The following SP140 variants were observed in gnomAD, a reference collection of about 807,000 sequenced individuals.
SP140 encodes the protein SP140 nuclear body protein.
In SP140, 81 loss-of-function variants were observed where a neutral mutation model predicts 125.0. The observed-to-expected ratio is 0.65, with a 90% CI of 0.54 to 0.78. The LOEUF is 0.78. SP140 is among the 30% of genes least tolerant of loss of function. The pLI, the probability that SP140 is intolerant of heterozygous loss-of-function variation, is 0.00. For synonymous variants in SP140, 312 were observed against 354.0 expected, an observed-to-expected ratio of 0.88 and a Z score of 1.33; for missense variants, 858 against 1,037.0, an observed-to-expected ratio of 0.83 and a Z score of 2.37.
At chr2:230,258,242 G>A (rs1166557484) in intron 12 of SP140, among the ~76,000 whole-genome samples, 1 of 152,132 alleles carries the variant, frequency 6.6e-6, no homozygotes, top group Non-Finnish European at 1.5e-5. Context: ...TCTGGAAGAG[G>A]ACCCTGGAAA....
At chr2:230,298,243 A>T (rs1054967748) in intron 22 of SP140, among the ~76,000 whole-genome samples, 4 of 152,086 alleles carry the variant, frequency 2.6e-5, no homozygotes, top group African/African-American at 7.2e-5. Context: ...TGAAATCGTG[A>T]TTTGATTCTT....
chr2:230,276,615 A>G (rs2054748293), intron 15 of SP140, among the ~76,000 whole-genome samples: 1 of 152,090 alleles, frequency 6.6e-6, no homozygotes, highest in Non-Finnish European at 1.5e-5. Flanking sequence ...ATCAAAAAGT[A>G]ATTTCAACTT....
intron 1 of SP140, among the ~76,000 whole-genome samples, chr2:230,236,873 C>G (rs2048091289): frequency 6.6e-6 from 1 of 152,158 alleles, no homozygotes; most frequent in Non-Finnish European, 1.5e-5. Flanking sequence ...CTTCTATGTA[C>G]AGGTCTTTCT....
chr2:230,239,676 C>T (rs753356240), intron 3 of SP140, among the ~76,000 whole-genome samples: 23 of 152,230 alleles, frequency 1.5e-4, no homozygotes, highest in Admixed American at 2.6e-4. Flanking sequence ...CTTGAACCCC[C>T]GACCTCAGGT....
Position 230,238,258 on chromosome 2 carries a change from A to T in SP140, c.283A>T (p.Met95Leu), listed in dbSNP as rs2048254370. The change falls in exon 3 of 27, where the codon ATG (methionine) becomes TTG (leucine). Residue 95 changes from methionine to leucine, a missense_variant. Around this residue, in one of 4 missense-constraint regions of SP140, gnomAD observed 791 missense variants for 869.5 expected, o/e 0.91. Transcript: ENST00000392045. ...FRNLVPVTRV[M>L]YCVLSELEKT... The stretch of plus-strand genomic sequence containing the variant: ...AAACCTGGTCCCAGTGACAAGAGTG[A>T]TGTATTGTGTACTCAGTGAACTGGA... 1 of 1,612,314 alleles carries T rather than the reference A, an allele frequency of 6.2e-7. No individual in the cohort carries two copies. Among genetic ancestry groups the T allele is most frequent in the Non-Finnish European group, 8.5e-7 (1 of 1,179,150 alleles).
chr2:230,275,517 T>C (rs2054586793), intron 15 of SP140, among the ~76,000 whole-genome samples: 1 of 152,194 alleles, frequency 6.6e-6, no homozygotes, highest in African/African-American at 2.4e-5. Flanking sequence ...GCAAACCTAA[T>C]AAATGTTGTG....
At chr2:230,189,172 T>C in the SP140 span, among the ~76,000 whole-genome samples, 34 of 152,148 alleles carry the variant, frequency 2.2e-4, no homozygotes, top group African/African-American at 8.0e-4. Flanking sequence ...GTTTAATTGA[T>C]CTTTTTTATT....
chr2:230,197,194 T>G, the SP140 span, among the ~76,000 whole-genome samples: 1 of 151,716 alleles, frequency 6.6e-6, no homozygotes, highest in African/African-American at 2.4e-5. Context: ...CCACATCCTC[T>G]CCAGCACCTG....
chr2:230,212,253 C>T, intron 1 of SP140: 1 of 925,802 alleles, frequency 1.1e-6, no homozygotes, highest in Non-Finnish European at 1.8e-6. Context: ...GTTCTTTTTC[C>T]CAGGGTTCCC....
At chr2:230,215,914 AG>A (rs1229611484) in intron 3 of SP140, among the ~76,000 whole-genome samples, 1 of 152,166 alleles carries the variant, frequency 6.6e-6, no homozygotes, top group Non-Finnish European at 1.5e-5. Context: ...TTGGCCAAGG[AG>A]ATGTCTCTGA....
chr2:230,293,588 G>A (rs746854904), intron 20 of SP140, among the ~76,000 whole-genome samples: 3 of 151,918 alleles, frequency 2.0e-5, no homozygotes, highest in Non-Finnish European at 4.4e-5. Flanking sequence ...AGGCCTCCTC[G>A]GCCTCCCAAA....
rs1271003250 is a variant in SP140 at position 230,284,218 on chromosome 2, A to G, written c.1499-128A>G. ...CAACCTCCACGCTGCTACACTGATC[A>G]TAAAGTATTTTGCCCCATTCCTGCG... On this transcript the variant is annotated intron_variant, in intron 15 of 26. Coordinates refer to ENST00000392045, the MANE Select transcript of SP140 (RefSeq NM_007237.5). The G allele has an allele frequency of 7.2e-6, 6 of 836,814 alleles. No homozygotes were observed. In the Admixed American group the frequency reaches 1.1e-4, roughly 16 times the overall value. The allele number at this position is 836,814 out of a possible 1,614,324, so 51.8% of individuals were successfully genotyped here.
chr2:230,246,443 A>G (rs1230565989), intron 7 of SP140, among the ~76,000 whole-genome samples: 1 of 152,190 alleles, frequency 6.6e-6, no homozygotes. Flanking sequence ...ACATTGGGTT[A>G]TAAGGAAGGG....
rs187330255 is a variant in SP140 at position 230,207,730 on chromosome 2, A to G, written c.-323+4451A>G. 2.8e-4 allele frequency among the ~76,000 whole-genome samples: 43 copies of G among 152,210 alleles called. No individual in the cohort carries two copies. The East Asian group carries it at 6.2e-3, about 22-fold the overall frequency. On this transcript the variant is annotated intron_variant, in intron 1 of 4. Transcript: ENST00000456542. ...AATTGGCACTCTTCTCTGCATCTCC[A>G]CTGTCAGATCTGAATCCAAGCCACC... is the stretch of plus-strand genomic sequence containing the variant.
chr2:230,223,388 T>A (rs2045981669), upstream of SP140, among the ~76,000 whole-genome samples: 1 of 152,162 alleles, frequency 6.6e-6, no homozygotes, highest in Non-Finnish European at 1.5e-5. Flanking sequence ...TCAACTATAT[T>A]ATGACAAAGG....
In SP140 at chr2:230,255,545, G is replaced by A. The variant is rs201022800; in HGVS notation, c.1240+13G>A. 9.3e-6 allele frequency: 15 copies of A among 1,611,168 alleles called. No individual in the cohort carries two copies. Among genetic ancestry groups the A allele is most frequent in the Middle Eastern group, 2.1e-4 (1 of 4,654 alleles). ...AGACGTGGGTCAGGTAAGGACGGGG[G>A]GGGGGATTTCTGGCCCTGGGCTGCA... is the stretch of plus-strand genomic sequence containing the variant. On this transcript the variant is annotated intron_variant, in intron 12 of 26. Coordinates refer to ENST00000392045, the MANE Select transcript of SP140 (RefSeq NM_007237.5).
chr2:230,229,393 T>C lies in SP140; in HGVS notation c.59+3490T>C, dbSNP rs143454997. ...GCATTTATTTCTTCTCTGGTGCTCT[T>C]TCTTTCTCTATGTAAATCTGAGTTT... On this transcript the variant is annotated intron_variant, in intron 1 of 26. Coordinates refer to ENST00000392045, the MANE Select transcript of SP140 (RefSeq NM_007237.5). 4.9e-3 allele frequency among the ~76,000 whole-genome samples: 741 copies of C among 152,012 alleles called. 5 individuals are homozygous for C. The highest frequency in any genetic ancestry group is 0.034 in the Middle Eastern group (10 of 294).
chr2:230,280,914 G>C (rs2149414236), intron 15 of SP140, among the ~76,000 whole-genome samples: 1 of 152,156 alleles, frequency 6.6e-6, no homozygotes, highest in Middle Eastern at 3.4e-3. Context: ...TGATCTCTAA[G>C]TGGTAAACTC....
chr2:230,218,445 T>C (rs1171569598), intron 3 of SP140, among the ~76,000 whole-genome samples: 1 of 152,062 alleles, frequency 6.6e-6, no homozygotes, highest in Non-Finnish European at 1.5e-5. Flanking sequence ...AGAGAACAGA[T>C]AGGAGAGAAA....
Sources: allele counts gnomAD v4.1 joint callset (sites outside exome capture counted in the v4.1 genomes callset), GRCh38; gene constraint gnomAD v4.1.1; regional missense constraint gnomAD v4.1.1; transcripts MANE v1.5; gene names NCBI Gene and HGNC (gene_info 2026-07-23, HGNC 2026-07-21).